MRPS35: variants seen among roughly 807,000 people sequenced by gnomAD.
MRPS35 encodes the protein small ribosomal subunit protein mS35.
A neutral mutation model predicts 32.7 loss-of-function variants in MRPS35; 29 were observed. The ratio of observed to expected loss-of-function variants is 0.89; its 90% CI spans 0.66 to 1.21. The LOEUF is 1.21. Ranked by LOEUF, MRPS35 falls within the 50% of genes most tolerant of loss-of-function variation. MRPS35 has a pLI of 0.00. For missense variants in MRPS35, 373 were observed against 383.8 expected (o/e 0.97, Z 0.23); for synonymous variants, 148 against 139.3 (o/e 1.06, Z -0.44).
intron 7 of MRPS35, among the ~76,000 whole-genome samples, chr12:27,748,364 G>T (rs1172111896): frequency 2.6e-5 from 4 of 151,920 alleles, no homozygotes; most frequent in Non-Finnish European, 5.9e-5. Flanking sequence ...GGATCACATG[G>T]AATGGAAAAT....
intron 4 of MRPS35, among the ~76,000 whole-genome samples, chr12:27,723,811 C>A (rs971024868): frequency 6.6e-6 from 1 of 152,112 alleles, no homozygotes; most frequent in African/African-American, 2.4e-5. Flanking sequence ...ACTGAAAATA[C>A]CATTACCACC....
chr12:27,730,796 C>G (rs78337784), intron 5 of MRPS35, among the ~76,000 whole-genome samples: 3,771 of 152,198 alleles, frequency 0.025, 139 homozygotes, highest in African/African-American at 0.086. Context: ...TGATGCTAAT[C>G]TTCATCACCT....
intron 7 of MRPS35, among the ~76,000 whole-genome samples, chr12:27,750,843 CT>C (rs1318787854): frequency 6.6e-6 from 1 of 151,950 alleles, no homozygotes; most frequent in African/African-American, 2.4e-5. Flanking sequence ...TGGCTCATGC[CT>C]GTAATCCCAG....
chr12:27,724,243 A>T, intron 5 of MRPS35, 57 bp downstream of exon 5: 1 of 1,403,774 alleles, frequency 7.1e-7, no homozygotes, highest in Admixed American at 2.8e-5. Flanking sequence ...TACATTATTT[A>T]AAGATGTCTT....
At chr12:27,741,474 A>G (rs2061964603) in intron 7 of MRPS35, among the ~76,000 whole-genome samples, 2 of 152,122 alleles carry the variant, frequency 1.3e-5, no homozygotes, top group African/African-American at 4.8e-5. Context: ...ACAATAATAA[A>G]ATGAGGAAAG....
At chr12:27,725,585 A>G in intron 5 of MRPS35, 1 of 265,606 alleles carries the variant, frequency 3.8e-6, no homozygotes, top group Non-Finnish European at 7.6e-6. Flanking sequence ...AGGAAATGTA[A>G]AAAAATATAA....
chr12:27,747,242 T>G (rs1293113859), intron 7 of MRPS35, among the ~76,000 whole-genome samples: 1 of 152,246 alleles, frequency 6.6e-6, no homozygotes, highest in Non-Finnish European at 1.5e-5. Flanking sequence ...CATATGAATC[T>G]TTTAATACAC....
Position 27,723,255 on chromosome 12 carries a change from GCTACCT to G in MRPS35, c.383-789_383-784del, listed in dbSNP as rs1482861859. Among the ~76,000 whole-genome samples, 9 of 152,088 alleles carry G rather than the reference GCTACCT, an allele frequency of 5.9e-5. No homozygotes were observed. The East Asian group carries it at 1.5e-3, about 26-fold the overall frequency. On this transcript the variant is annotated intron_variant, in intron 4 of 7. Coordinates refer to ENST00000081029, the MANE Select transcript of MRPS35 (RefSeq NM_021821.4). ...CTCTGATACCTGGGGGAAGCTGGGA[GCTACCT>G]CTTTTCCTTTAAGTTTTTTTTTTTT...
chr12:27,738,373 A>G (rs1381902936), intron 7 of MRPS35, among the ~76,000 whole-genome samples: 2 of 152,182 alleles, frequency 1.3e-5, no homozygotes, highest in African/African-American at 2.4e-5. Context: ...CAGTGTTCAA[A>G]AAGTTTTGGA....
At chr12:27,747,831 G>T (rs750097503) in intron 7 of MRPS35, among the ~76,000 whole-genome samples, 27 of 152,130 alleles carry the variant, frequency 1.8e-4, no homozygotes, top group Non-Finnish European at 2.9e-4. Flanking sequence ...AAAAAAAGAG[G>T]TTCAAGTTAT....
chr12:27,743,433 C>T (rs1314071586), intron 7 of MRPS35, among the ~76,000 whole-genome samples: 1 of 152,014 alleles, frequency 6.6e-6, no homozygotes, highest in Non-Finnish European at 1.5e-5. Context: ...GAGGCTGAGG[C>T]AGGAGAATGC....
chr12:27,729,108 C>T (rs1209467957), intron 5 of MRPS35, among the ~76,000 whole-genome samples: 1 of 152,078 alleles, frequency 6.6e-6, no homozygotes, highest in Non-Finnish European at 1.5e-5. Flanking sequence ...TTTTGGTCCT[C>T]GAAGTATATC....
At chr12:27,724,004 T>G in intron 4 of MRPS35, 43 bp from the exon 5 acceptor site, 1 of 1,596,474 alleles carries the variant, frequency 6.3e-7, no homozygotes, top group East Asian at 2.2e-5. Context: ...CAATGAGAAT[T>G]TACTTGCAAA....
intron 4 of MRPS35, among the ~76,000 whole-genome samples, chr12:27,721,630 G>A (rs1019863727): frequency 6.6e-6 from 1 of 152,032 alleles, no homozygotes. Context: ...CACTCCAGCC[G>A]GGGTAACAAA....
rs554715045 is a variant in MRPS35 at position 27,719,854 on chromosome 12, G to C, written c.368G>C (p.Cys123Ser). ...ACTCCTGTAGCAATTAAAAAGCACT[G>C]TGAAGCCCTTAAAGGTAAGTGGTTA... Reference protein sequence around the residue: ...HLTPVAIKKHCEALKDFCTEW... With the variant: ...HLTPVAIKKHSEALKDFCTEW... The change falls in exon 4 of 8, where the codon TGT (cysteine) becomes TCT (serine). Residue 123 changes from cysteine to serine, a missense_variant. Cys to Ser is a moderately radical substitution (Grantham distance 112, BLOSUM62 -1). Transcript: ENST00000081029. 4.4e-6 allele frequency: 7 copies of C among 1,606,532 alleles called. No homozygotes were observed. In the East Asian group the frequency reaches 1.6e-4, roughly 36 times the overall value.
intron 7 of MRPS35, among the ~76,000 whole-genome samples, chr12:27,746,193 C>T (rs1003977418): frequency 7.9e-5 from 12 of 152,140 alleles, no homozygotes; most frequent in South Asian, 4.2e-4. Context: ...AATAATTTCT[C>T]CAGTCTTTGA....
At chr12:27,740,891 C>T (rs563064696) in intron 7 of MRPS35, among the ~76,000 whole-genome samples, 119 of 152,148 alleles carry the variant, frequency 7.8e-4, no homozygotes, top group African/African-American at 2.7e-3. Flanking sequence ...TATCCTTCAG[C>T]AGTTTAAAGA....
intron 5 of MRPS35, among the ~76,000 whole-genome samples, chr12:27,727,409 A>G (rs1383419243): frequency 6.6e-5 from 10 of 152,130 alleles, no homozygotes; most frequent in African/African-American, 4.8e-5. Context: ...ATATGTTTAA[A>G]TACACAAGTA....
Position 27,755,575 on chromosome 12 carries a change from C to A in MRPS35, c.*125C>A. ...TTTCCTCAGAGTTAAAATTATTTCC[C>A]TCATACTAATGCTTAATGGCAATGA... On this transcript the variant is annotated 3_prime_UTR_variant, in exon 8 of 8. Transcript: ENST00000081029. 1.1e-6 allele frequency: 1 copy of A among 915,172 alleles called. No individual in the cohort carries two copies. The highest frequency in any genetic ancestry group is 1.6e-6 in the Non-Finnish European group (1 of 641,852). 56.7% of individuals were successfully genotyped at this position (915,172 alleles called of 1,614,324 possible).
Sources: gnomAD v4.1 joint callset for allele counts (sites outside exome capture counted in the v4.1 genomes callset) on GRCh38, gnomAD v4.1.1 for gene constraint, MANE v1.5 for transcripts, NCBI Gene and HGNC (gene_info 2026-07-23, HGNC 2026-07-21) for gene names.